Variants in FRMD5 observed in about 807,000 individuals in gnomAD.
FRMD5 encodes the protein FERM domain-containing protein 5.
Under a neutral mutation model 69.0 loss-of-function variants are expected in FRMD5, and 20 were observed. That is an observed-to-expected ratio of 0.29 (90% CI 0.20 to 0.42). The LOEUF (loss-of-function observed/expected upper bound fraction) is 0.42, where lower values mean the gene tolerates loss of function less well. Ranked by LOEUF, FRMD5 falls within the 10% of genes least tolerant of loss-of-function variation. FRMD5 has a pLI of 1.00. For missense variants in FRMD5, 595 were observed against 708.6 expected (o/e 0.84, Z 1.82); for synonymous variants, 271 against 260.1 (o/e 1.04, Z -0.40).
chr15:44,125,656 TAA>T (rs2077015782), intron 1 of FRMD5, among the ~76,000 whole-genome samples: 1 of 152,168 alleles, frequency 6.6e-6, no homozygotes, highest in Non-Finnish European at 1.5e-5. Flanking sequence ...TCAGACAAAA[TAA>T]AAACTCTTAT....
At position 43,873,102 on chromosome 15, in the gene FRMD5, T is replaced by TAA. The variant is rs1567199184; in HGVS notation, c.*781_*782dup. On this transcript the variant is annotated 3_prime_UTR_variant, in exon 14 of 14. Transcript: ENST00000417257. ...GTTCTTCGGAAAAAAAAAATCACGT[T>TAA]AAGTCTAGTTTCATTATACAAAACT... 13 of 1,396,670 alleles carry TAA rather than the reference T, an allele frequency of 9.3e-6. No homozygotes were observed. Among genetic ancestry groups the TAA allele is most frequent in the Non-Finnish European group, 1.3e-5 (13 of 1,021,904 alleles). The allele number at this position is 1,396,670 out of a possible 1,614,324, so 86.5% of individuals were successfully genotyped here.
intron 1 of FRMD5, among the ~76,000 whole-genome samples, chr15:43,935,782 C>T (rs2089750625): frequency 1.3e-5 from 2 of 152,162 alleles, no homozygotes; most frequent in African/African-American, 2.4e-5. Flanking sequence ...TGCCTCTGCA[C>T]ATTGGTTGGG....
At chr15:44,049,493 A>T (rs1204135919) in intron 1 of FRMD5, among the ~76,000 whole-genome samples, 1 of 152,224 alleles carries the variant, frequency 6.6e-6, no homozygotes, top group African/African-American at 2.4e-5. Context: ...CTTTGCAAAC[A>T]ATTTATTTAT....
chr15:43,985,345 C>T (rs540931152), intron 1 of FRMD5, among the ~76,000 whole-genome samples: 1 of 148,784 alleles, frequency 6.7e-6, no homozygotes, highest in South Asian at 2.2e-4. Context: ...TCCTACTCTG[C>T]TTGTAACTGG....
intron 1 of FRMD5, among the ~76,000 whole-genome samples, chr15:44,024,516 T>G (rs895455770): frequency 1.3e-5 from 2 of 152,234 alleles, no homozygotes; most frequent in African/African-American, 2.4e-5. Context: ...TATCTCATCT[T>G]TTAACTTATA....
chr15:44,123,541 G>C (rs1258245514), intron 1 of FRMD5, among the ~76,000 whole-genome samples: 2 of 152,076 alleles, frequency 1.3e-5, no homozygotes, highest in Non-Finnish European at 2.9e-5. Flanking sequence ...TATATACCTA[G>C]CTTGTTTCAT....
chr15:43,941,390 C>G (rs537306042), intron 1 of FRMD5, among the ~76,000 whole-genome samples: 1 of 152,206 alleles, frequency 6.6e-6, no homozygotes, highest in Non-Finnish European at 1.5e-5. Flanking sequence ...GCTAGCACTA[C>G]AGGTGGGTGT....
intron 1 of FRMD5, among the ~76,000 whole-genome samples, chr15:44,131,421 A>G (rs189438937): frequency 6.6e-6 from 1 of 152,138 alleles, no homozygotes; most frequent in Non-Finnish European, 1.5e-5. Flanking sequence ...TATAATTACT[A>G]TATGATCCAA....
chr15:43,874,148 G>C lies in FRMD5; in HGVS notation c.1450C>G (p.Gln484Glu), dbSNP rs374257897. Residue 484 changes from glutamine to glutamate, a missense_variant, in exon 14 of 14, where the codon CAG (glutamine) becomes GAG (glutamate). Transcript: ENST00000417257. The part of the protein sequence containing the change: ...ALGGELRALC[Q>E]GHSGPEEEQV... ...TCCTCCTCGGGCCCGCTGTGCCCCT[G>C]ACACAGGGCCCTCAGCTCTCCCCCA... The C allele has an allele frequency of 7.4e-6, 12 of 1,614,098 alleles. No individual in the cohort carries two copies. In the South Asian group the frequency reaches 9.9e-5, roughly 13 times the overall value.
intron 2 of FRMD5, among the ~76,000 whole-genome samples, chr15:43,923,724 C>T (rs192227344): frequency 2.6e-5 from 4 of 152,302 alleles, no homozygotes; most frequent in Admixed American, 6.5e-5. Context: ...TGCAGAGCTG[C>T]CTATGCTGTG....
At chr15:43,972,922 A>AT (rs1262913939) in intron 1 of FRMD5, among the ~76,000 whole-genome samples, 1 of 152,168 alleles carries the variant, frequency 6.6e-6, no homozygotes, top group Non-Finnish European at 1.5e-5. Context: ...ATCCTATCCC[A>AT]TGTCTTCCAA....
At chr15:43,943,317 T>C (rs2089892377) in intron 1 of FRMD5, among the ~76,000 whole-genome samples, 1 of 152,190 alleles carries the variant, frequency 6.6e-6, no homozygotes, top group African/African-American at 2.4e-5. Flanking sequence ...TAGACTCAAG[T>C]GATCCTCCTG....
intron 1 of FRMD5, among the ~76,000 whole-genome samples, chr15:44,095,272 G>A (rs534950807): frequency 8.6e-5 from 13 of 151,428 alleles, no homozygotes; most frequent in African/African-American, 2.9e-4. Context: ...GTACAACTGT[G>A]GTTCACTGCA....
intron 1 of FRMD5, among the ~76,000 whole-genome samples, chr15:44,034,394 A>T (rs1891819258): frequency 6.6e-6 from 1 of 152,230 alleles, no homozygotes; most frequent in African/African-American, 2.4e-5. Flanking sequence ...CTGACCAAGT[A>T]ATACCCATGT....
chr15:43,937,384 A>C (rs2089778849), intron 1 of FRMD5, among the ~76,000 whole-genome samples: 1 of 152,206 alleles, frequency 6.6e-6, no homozygotes, highest in Non-Finnish European at 1.5e-5. Flanking sequence ...GTGGAGGCTC[A>C]TGCCTGTAAT....
At chr15:44,020,949 GAATA>G (rs1383833921) in intron 1 of FRMD5, among the ~76,000 whole-genome samples, 1 of 152,186 alleles carries the variant, frequency 6.6e-6, no homozygotes, top group Non-Finnish European at 1.5e-5. Context: ...TATCTCAAGA[GAATA>G]GATAACCATA....
intron 1 of FRMD5, among the ~76,000 whole-genome samples, chr15:44,110,257 T>A (rs990345393): frequency 2.0e-5 from 3 of 152,084 alleles, no homozygotes; most frequent in Admixed American, 6.6e-5. Context: ...TTCACAGGCA[T>A]TTATAGCTTA....
intron 1 of FRMD5, among the ~76,000 whole-genome samples, chr15:44,182,785 T>G (rs1292709710): frequency 6.6e-6 from 1 of 152,038 alleles, no homozygotes. Flanking sequence ...GAGACAGACA[T>G]GTGAGAAAAT....
intron 1 of FRMD5, among the ~76,000 whole-genome samples, chr15:44,178,872 G>A (rs2077947108): frequency 6.6e-6 from 1 of 152,010 alleles, no homozygotes; most frequent in Non-Finnish European, 1.5e-5. Context: ...CGCACCTATA[G>A]TCCCAGCTAC....
Sources: gnomAD v4.1 joint callset for allele counts (sites outside exome capture counted in the v4.1 genomes callset) on GRCh38, gnomAD v4.1.1 for gene constraint, MANE v1.5 for transcripts, NCBI Gene and HGNC (gene_info 2026-07-23, HGNC 2026-07-21) for gene names.